The following KCNQ1 variants were observed in gnomAD, a reference collection of about 807,000 sequenced individuals.
KCNQ1 encodes the protein potassium voltage-gated channel subfamily KQT member 1.
Under a neutral mutation model 72.4 loss-of-function variants are expected in KCNQ1, and 49 were observed. The observed-to-expected ratio is 0.68, with a 90% CI of 0.54 to 0.86. The LOEUF (loss-of-function observed/expected upper bound fraction) is 0.86, where lower values mean the gene tolerates loss of function less well. KCNQ1 is among the 40% of genes least tolerant of loss of function. The pLI is 0.00. For missense variants in KCNQ1, 790 were observed against 945.1 expected, an observed-to-expected ratio of 0.84 and a Z score of 2.15; for synonymous variants, 450 against 412.6, an observed-to-expected ratio of 1.09 and a Z score of -1.10.
intron 11 of KCNQ1, among the ~76,000 whole-genome samples, chr11:2,719,735 C>CT (rs2133928210): frequency 6.6e-6 from 1 of 152,310 alleles, no homozygotes; most frequent in South Asian, 2.1e-4. Flanking sequence ...AAATTGGCAC[C>CT]TGTGTTTCTC....
rs1327879082 is a variant in KCNQ1 at position 2,547,782 on chromosome 11, AG to A, written c.477+19768del. ...GAAATGGTGAGTGGCATGGAAGGGG[AG>A]GGGCGGCAGTTCTCAGTGGAGCGGC... On this transcript the variant is annotated intron_variant, in intron 2 of 15. Coordinates refer to ENST00000155840, the MANE Select transcript of KCNQ1 (RefSeq NM_000218.3). The surrounding 1 kb of genome is among the most constrained non-coding windows in gnomAD (Gnocchi z 4.2). 2.6e-5 allele frequency among the ~76,000 whole-genome samples: 4 copies of A among 151,974 alleles called. No individual in the cohort carries two copies. Among genetic ancestry groups the A allele is most frequent in the African/African-American group, 9.7e-5 (4 of 41,354 alleles).
At chr11:2,469,419 G>A (rs898986386) in intron 1 of KCNQ1, among the ~76,000 whole-genome samples, 4 of 152,046 alleles carry the variant, frequency 2.6e-5, no homozygotes, top group Admixed American at 2.6e-4. Context: ...GACTACAGAT[G>A]CCCGCCACCA....
rs1485897998 is a variant in KCNQ1, at chr11:2,748,280, C to T, written c.1515-20564C>T. Among the ~76,000 whole-genome samples, 1 of 152,130 alleles carries T rather than the reference C, an allele frequency of 6.6e-6. No homozygotes were observed. The highest frequency in any genetic ancestry group is 1.5e-5 in the Non-Finnish European group (1 of 68,004). On this transcript the variant is annotated intron_variant, in intron 11 of 15. Transcript: ENST00000155840. The surrounding 1 kb of genome is among the most constrained non-coding windows in gnomAD (Gnocchi z 6.2). ...CAGGAATGCTGGTGAAGCTGGCATGCCCCCACCCCCTAGCTCACCCTGGGT... is the reference window on the plus strand; with the variant it reads ...CAGGAATGCTGGTGAAGCTGGCATGTCCCCACCCCCTAGCTCACCCTGGGT...
At chr11:2,510,558 A>C (rs1199691308) in intron 1 of KCNQ1, among the ~76,000 whole-genome samples, 1 of 152,200 alleles carries the variant, frequency 6.6e-6, no homozygotes, top group African/African-American at 2.4e-5. Flanking sequence ...GTGAGCTCAG[A>C]TTGTGCCACT....
At chr11:2,739,671 A>G (rs1331232196) in intron 11 of KCNQ1, among the ~76,000 whole-genome samples, 1 of 152,180 alleles carries the variant, frequency 6.6e-6, no homozygotes. Flanking sequence ...TATCCACGGC[A>G]CTGGGCCCGC....
In KCNQ1 at chr11:2,698,616, C is replaced by T. The variant is rs1036972323; in HGVS notation, c.1514+36535C>T. 23 of 398,442 alleles carry T rather than the reference C, an allele frequency of 5.8e-5. No individual in the cohort carries two copies. The highest frequency in any genetic ancestry group is 4.3e-4 in the African/African-American group (21 of 48,576). 24.7% of individuals were successfully genotyped at this position (398,442 alleles called of 1,614,324 possible). ...GAACTTCGACTTCAATTCCTGACTC[C>T]CATACCCCACTGAGACCTCTAACCC... is the stretch of plus-strand genomic sequence containing the variant. On this transcript the variant is annotated intron_variant, in intron 11 of 15. Coordinates refer to ENST00000155840, the MANE Select transcript of KCNQ1 (RefSeq NM_000218.3). This position sits in a 1 kb window ranked among gnomAD's most constrained non-coding sequence, Gnocchi z 5.1.
intron 15 of KCNQ1, among the ~76,000 whole-genome samples, chr11:2,810,887 C>A (rs1847471441): frequency 6.6e-6 from 1 of 152,176 alleles, no homozygotes; most frequent in Non-Finnish European, 1.5e-5. Flanking sequence ...GGGAGTCCCA[C>A]CTGTAGGACG....
In KCNQ1 at chr11:2,647,036, G is replaced by C. The variant is rs997948724; in HGVS notation, c.1394-14925G>C. Reference sequence around the variant, plus strand: ...TTTCTTACTCTGCTGAATAAGAATAGTGAAAGTGGGCATCCTTGTCTTGTT... The same window carrying C: ...TTTCTTACTCTGCTGAATAAGAATACTGAAAGTGGGCATCCTTGTCTTGTT... On this transcript the variant is annotated intron_variant, in intron 10 of 15. Coordinates refer to ENST00000155840, the MANE Select transcript of KCNQ1 (RefSeq NM_000218.3). The surrounding 1 kb of genome is among the most constrained non-coding windows in gnomAD (Gnocchi z 4.0). 2 of 398,456 alleles carry C rather than the reference G, an allele frequency of 5.0e-6. No homozygotes were observed. Among genetic ancestry groups the C allele is most frequent in the East Asian group, 7.1e-5 (2 of 28,080 alleles). 24.7% of individuals were successfully genotyped at this position (398,456 alleles called of 1,614,324 possible).
intron 1 of KCNQ1, among the ~76,000 whole-genome samples, chr11:2,456,157 G>A (rs1163480003): frequency 1.3e-5 from 2 of 152,142 alleles, no homozygotes; most frequent in Non-Finnish European, 2.9e-5. Context: ...GGCCAAGGTG[G>A]TGAAACCCCA....
Position 2,838,616 on chromosome 11 carries a change from C to T in KCNQ1, c.1795-9151C>T, listed in dbSNP as rs1188985487. 2.6e-5 allele frequency among the ~76,000 whole-genome samples: 4 copies of T among 152,118 alleles called. No homozygotes were observed. The South Asian group carries it at 6.2e-4, about 24-fold the overall frequency. ...TGGTGCGCTCAGAGGTTCCAGATGG[C>T]CCAGCAAGTGGCTGAGGGCCCAGGG... On this transcript the variant is annotated intron_variant, in intron 15 of 15. Transcript: ENST00000155840.
Position 2,809,716 on chromosome 11 carries a change from CG to C in KCNQ1, c.1794+31680del, listed in dbSNP as rs58945252. On this transcript the variant is annotated intron_variant, in intron 15 of 15. Transcript: ENST00000155840. The surrounding 1 kb of genome is among the most constrained non-coding windows in gnomAD (Gnocchi z 7.1). ...CTGTTGGCCTTTATCATCTCCACCACGTGCTCAACACTCCAGGCCAGAGCCC... is the reference window on the plus strand; with the variant it reads ...CTGTTGGCCTTTATCATCTCCACCACTGCTCAACACTCCAGGCCAGAGCCC... Among the ~76,000 whole-genome samples the C allele has an allele frequency of 0.11, 16,024 of 152,204 alleles. 908 individuals are homozygous for C. Among genetic ancestry groups the C allele is most frequent in the Middle Eastern group, 0.18 (52 of 292 alleles).
At chr11:2,527,105 C>T (rs1457123741) in intron 1 of KCNQ1, among the ~76,000 whole-genome samples, 2 of 152,200 alleles carry the variant, frequency 1.3e-5, no homozygotes, top group African/African-American at 2.4e-5. Context: ...TCAGAGAAGG[C>T]GGCCCGTCTT....
rs1008117103 is a variant in KCNQ1, at chr11:2,769,034, C to T, written c.1590+115C>T. On this transcript the variant is annotated intron_variant, in intron 12 of 15. Coordinates refer to ENST00000155840, the MANE Select transcript of KCNQ1 (RefSeq NM_000218.3). The surrounding 1 kb of genome is among the most constrained non-coding windows in gnomAD (Gnocchi z 4.6). ...ATAGTGGAGGGTGTCAAGGCCTCCG[C>T]CCCCAAGCCACACAGGCAGGCCTAT... 34 of 886,982 alleles carry T rather than the reference C, an allele frequency of 3.8e-5. No homozygotes were observed. Among genetic ancestry groups the T allele is most frequent in the Non-Finnish European group, 6.1e-5 (33 of 539,906 alleles). The allele number at this position is 886,982 out of a possible 1,614,324, so 54.9% of individuals were successfully genotyped here. A position where few individuals can be genotyped will look rare whatever the true frequency, so the allele number is the denominator to read the frequency against.
chr11:2,604,365 C>T (rs1386412898), intron 10 of KCNQ1, among the ~76,000 whole-genome samples: 1 of 151,698 alleles, frequency 6.6e-6, no homozygotes, highest in African/African-American at 2.4e-5. Context: ...GTAATTCCAG[C>T]TACTCGGGAG....
chr11:2,607,150 G>A (rs1361596702), intron 10 of KCNQ1, among the ~76,000 whole-genome samples: 6 of 151,876 alleles, frequency 4.0e-5, no homozygotes, highest in Non-Finnish European at 7.4e-5. Flanking sequence ...TGATCCACCC[G>A]CCTCGGCCTC....
chr11:2,609,670 T>G (rs576016365), intron 10 of KCNQ1: 1 of 398,426 alleles, frequency 2.5e-6, no homozygotes, highest in East Asian at 3.6e-5. Context: ...TGTTCAGTTC[T>G]GTCAGTTTTT....
chr11:2,629,251 A>G (rs10430888), intron 10 of KCNQ1: 360,509 of 398,304 alleles, frequency 0.91, 163,395 homozygotes, highest in East Asian at 0.99. Context: ...ATTTATTTGT[A>G]TCATCTTAGA....
Position 2,494,447 on chromosome 11 carries a change from A to G in KCNQ1, c.387-33481A>G, listed in dbSNP as rs1281505048. Among the ~76,000 whole-genome samples, 2 of 152,130 alleles carry G rather than the reference A, an allele frequency of 1.3e-5. No homozygotes were observed. The highest frequency in any genetic ancestry group is 3.9e-4 in the East Asian group (2 of 5,186). ...GCTGGTTTTCAAAGTGAATGCTTCCAGCTTTTGCCCGTTCAGTATGATATT... is the reference window on the plus strand; with the variant it reads ...GCTGGTTTTCAAAGTGAATGCTTCCGGCTTTTGCCCGTTCAGTATGATATT... On this transcript the variant is annotated intron_variant, in intron 1 of 15. Transcript: ENST00000155840. This position sits in a 1 kb window ranked among gnomAD's most constrained non-coding sequence, Gnocchi z 4.6.
rs1849751711 is a variant in KCNQ1, at chr11:2,651,213, G to T, written c.1394-10748G>T. On this transcript the variant is annotated intron_variant, in intron 10 of 15. Transcript: ENST00000155840. The surrounding 1 kb of genome is among the most constrained non-coding windows in gnomAD (Gnocchi z 6.1). ...CGACAGCTTCCTGTCACCCTGTCTT[G>T]TGTCAGTCTCACAGCACACACAGCT... 2.5e-6 allele frequency: 1 copy of T among 398,552 alleles called. No individual in the cohort carries two copies. The highest frequency in any genetic ancestry group is 4.4e-5 in the Admixed American group (1 of 22,724). The allele number at this position is 398,552 out of a possible 1,614,324, so 24.7% of individuals were successfully genotyped here. A position where few individuals can be genotyped will look rare whatever the true frequency, so the allele number is the denominator to read the frequency against.
Sources: gnomAD v4.1 joint callset for allele counts (sites outside exome capture counted in the v4.1 genomes callset) on GRCh38, gnomAD v4.1.1 for gene constraint, Gnocchi (gnomAD v3.1) non-coding constraint, MANE v1.5 for transcripts, NCBI Gene and HGNC (gene_info 2026-07-23, HGNC 2026-07-21) for gene names.